The following ZFP64 variants were observed in gnomAD, a reference collection of about 807,000 sequenced individuals.
ZFP64 encodes the protein ZFP64 zinc finger protein, also known as zinc finger protein 64.
Under a neutral mutation model 51.6 loss-of-function variants are expected in ZFP64, and 14 were observed. The observed-to-expected ratio is 0.27, with a 90% CI of 0.18 to 0.42. ZFP64 has a LOEUF of 0.42. Among genes scored for constraint, ZFP64 ranks in the 10% least tolerant of loss-of-function variants. The probability of loss-of-function intolerance (pLI) is 1.00; values close to 1 mark genes in which losing one functional copy is unlikely to be tolerated. For synonymous variants in ZFP64, 375 were observed against 361.4 expected (o/e 1.04, Z -0.43); for missense variants, 754 against 906.8 (o/e 0.83, Z 2.16).
chr20:52,088,197 G>T (rs1213841980), intron 8 of ZFP64: 2 of 831,032 alleles, frequency 2.4e-6, no homozygotes, highest in Non-Finnish European at 3.6e-6. Context: ...ATAAAACCCA[G>T]CTGTCAGTCA....
chr20:52,133,949 A>G (rs1315663262), intron 5 of ZFP64, among the ~76,000 whole-genome samples: 1 of 149,256 alleles, frequency 6.7e-6, no homozygotes, highest in Non-Finnish European at 1.5e-5. Flanking sequence ...GGATCACCTG[A>G]GCCCGGGAGG....
chr20:52,175,413 G>A (rs182840416), intron 2 of ZFP64, among the ~76,000 whole-genome samples: 2 of 152,022 alleles, frequency 1.3e-5, no homozygotes, highest in South Asian at 2.1e-4. Context: ...AAGCGCCACC[G>A]CGCCCAGCAG....
At chr20:52,114,222 C>T (rs1055025142) in intron 5 of ZFP64, among the ~76,000 whole-genome samples, 5 of 152,180 alleles carry the variant, frequency 3.3e-5, no homozygotes, top group African/African-American at 1.2e-4. Context: ...TTTCACCTGT[C>T]CCGATAGAAA....
intron 5 of ZFP64, among the ~76,000 whole-genome samples, chr20:52,102,305 G>A (rs186718793): frequency 6.6e-6 from 1 of 152,124 alleles, no homozygotes; most frequent in African/African-American, 2.4e-5. Context: ...CAGGTGGCAG[G>A]GGCTCCCATT....
At position 52,151,696 on chromosome 20, in the gene ZFP64, CA is replaced by C. The variant is rs1454760949; in HGVS notation, c.*449del. 2 of 994,052 alleles carry C rather than the reference CA, an allele frequency of 2.0e-6. No individual in the cohort carries two copies. The highest frequency in any genetic ancestry group is 2.4e-6 in the Non-Finnish European group (2 of 834,458). The allele number at this position is 994,052 out of a possible 1,614,324, so 61.6% of individuals were successfully genotyped here. Reference sequence around the variant, plus strand: ...ACAGTGTTAAAAAAATTATAGTAAGCAGTATAAAATTACAATTTATTATGGG... The same window carrying C: ...ACAGTGTTAAAAAAATTATAGTAAGCGTATAAAATTACAATTTATTATGGG... On this transcript the variant is annotated 3_prime_UTR_variant, in exon 6 of 6. Transcript: ENST00000216923.
At chr20:52,180,495 T>G (rs1687697500) in intron 2 of ZFP64, among the ~76,000 whole-genome samples, 1 of 134,596 alleles carries the variant, frequency 7.4e-6, no homozygotes, top group African/African-American at 2.9e-5. Context: ...GGCTTCTAGG[T>G]GGAGGTGACT....
At chr20:52,127,437 C>G (rs558193722) in intron 5 of ZFP64, among the ~76,000 whole-genome samples, 1 of 152,070 alleles carries the variant, frequency 6.6e-6, no homozygotes, top group Non-Finnish European at 1.5e-5. Flanking sequence ...ATCATGGGGG[C>G]GGCTGCTGTT....
chr20:52,175,859 C>CG, intron 2 of ZFP64: 1 of 309,018 alleles, frequency 3.2e-6, no homozygotes, highest in Non-Finnish European at 4.7e-6. Flanking sequence ...CGCACCCCCG[C>CG]TGCCGCCCCC....
Position 52,152,023 on chromosome 20 carries a change from C to T in ZFP64, c.*123G>A. The T allele has an allele frequency of 6.9e-7, 1 of 1,444,396 alleles. No individual in the cohort carries two copies. Among genetic ancestry groups the T allele is most frequent in the Non-Finnish European group, 9.1e-7 (1 of 1,099,676 alleles). The allele number at this position is 1,444,396 out of a possible 1,614,324, so 89.5% of individuals were successfully genotyped here. A position where few individuals can be genotyped will look rare whatever the true frequency, so the allele number is the denominator to read the frequency against. On this transcript the variant is annotated 3_prime_UTR_variant, in exon 6 of 6. Transcript: ENST00000216923. ...CTGCACTCCAGCCTGGGAAACAGAG[C>T]GAGACTCCGTCTCAAAAACAAAACA...
intron 2 of ZFP64, among the ~76,000 whole-genome samples, chr20:52,168,140 T>C (rs1982436401): frequency 6.6e-6 from 1 of 152,208 alleles, no homozygotes; most frequent in Non-Finnish European, 1.5e-5. Context: ...CATATCACTC[T>C]GATACACCTC....
chr20:52,179,602 A>G (rs1339928087), intron 2 of ZFP64, among the ~76,000 whole-genome samples: 2 of 152,174 alleles, frequency 1.3e-5, no homozygotes, highest in African/African-American at 2.4e-5. Context: ...CACAGGCCAA[A>G]CTGAAACTTC....
chr20:52,138,134 G>A (rs1980074273), intron 5 of ZFP64, among the ~76,000 whole-genome samples: 1 of 152,078 alleles, frequency 6.6e-6, no homozygotes, highest in Admixed American at 6.5e-5. Flanking sequence ...TTGGGCTGGG[G>A]AGGTAAAGGC....
At chr20:52,150,930 G>A (rs1980761134), downstream of ZFP64, among the ~76,000 whole-genome samples, 1 of 152,144 alleles carries the variant, frequency 6.6e-6, no homozygotes, top group East Asian at 1.9e-4. Context: ...AAAAAATCTA[G>A]GTACTCTCTC....
intron 1 of ZFP64, among the ~76,000 whole-genome samples, chr20:52,189,106 T>C (rs1407308699): frequency 6.6e-6 from 1 of 152,202 alleles, no homozygotes; most frequent in African/African-American, 2.4e-5. Flanking sequence ...CCATTCATTT[T>C]CTTTACACTT....
chr20:52,104,844 G>T lies in ZFP64; in HGVS notation c.764-6257C>A, dbSNP rs542714517. 1.1e-5 allele frequency: 7 copies of T among 645,942 alleles called. No individual in the cohort carries two copies. The Admixed American group carries it at 1.4e-4, about 13-fold the overall frequency. The allele number at this position is 645,942 out of a possible 1,614,324, so 40.0% of individuals were successfully genotyped here. On this transcript the variant is annotated intron_variant, in intron 5 of 8. Transcript: ENST00000361387. ...GCGCATCCCGAAAACAGCCTCTGAG[G>T]GGTCCTCTGAGCATCCTTCCAGCGT...
rs558355435 is a variant in ZFP64, at chr20:52,101,365, T to C, written c.764-2778A>G. ...GTGTGGATCAAGTAAGGACTTGCGA[T>C]TCCAGGGACTTGCGATTTTTTTTTG... On this transcript the variant is annotated intron_variant, in intron 5 of 8. Coordinates refer to the ZFP64 transcript ENST00000361387. Among the ~76,000 whole-genome samples, 3 of 100,692 alleles carry C rather than the reference T, an allele frequency of 3.0e-5. No individual in the cohort carries two copies. In the East Asian group the frequency reaches 8.0e-4, roughly 27 times the overall value. 66.1% of individuals were successfully genotyped at this position (100,692 alleles called of 152,430 possible).
At chr20:52,088,260 T>A in intron 8 of ZFP64, 1 of 1,398,594 alleles carries the variant, frequency 7.2e-7, no homozygotes, top group Non-Finnish European at 9.7e-7. Context: ...AATCTCACAA[T>A]TATCACAGAA....
At chr20:52,110,535 GT>G in intron 5 of ZFP64, 1 of 725,130 alleles carries the variant, frequency 1.4e-6, no homozygotes, top group Non-Finnish European at 2.5e-6. Flanking sequence ...GCTCGGCCCA[GT>G]TCTTCTCAGT....
chr20:52,188,471 C>T (rs993271412), intron 1 of ZFP64, among the ~76,000 whole-genome samples: 12 of 150,774 alleles, frequency 8.0e-5, no homozygotes, highest in South Asian at 4.3e-4. Context: ...CCCGCCACTA[C>T]GCTCGACTAA....
Sources: allele counts gnomAD v4.1 joint callset (sites outside exome capture counted in the v4.1 genomes callset), GRCh38; gene constraint gnomAD v4.1.1; transcripts MANE v1.5; gene names NCBI Gene and HGNC (gene_info 2026-07-23, HGNC 2026-07-21).